Variants in RHCE observed in about 807,000 individuals in gnomAD.
The protein encoded by RHCE is blood group Rh(CE) polypeptide.
A neutral mutation model predicts 43.8 loss-of-function variants in RHCE; 22 were observed. The observed-to-expected ratio is 0.50, with a 90% CI of 0.36 to 0.72. The LOEUF (loss-of-function observed/expected upper bound fraction) is 0.72. Among genes scored for constraint, RHCE ranks in the 30% least tolerant of loss-of-function variants. The pLI is 0.00. For synonymous variants in RHCE, 156 were observed against 210.7 expected, an observed-to-expected ratio of 0.74 and a Z score of 2.25; for missense variants, 385 against 525.4, an observed-to-expected ratio of 0.73 and a Z score of 2.61.
chr1:25,385,430 A>G, intron 7 of RHCE: 1 of 490,060 alleles, frequency 2.0e-6, no homozygotes, highest in Non-Finnish European at 3.8e-6. Context: ...GCTTGGGCCT[A>G]TTTGACCTGC....
upstream of RHCE, among the ~76,000 whole-genome samples, chr1:25,422,330 T>C (rs560266635): frequency 3.0e-4 from 46 of 152,120 alleles, no homozygotes; most frequent in Non-Finnish European, 5.3e-4. Flanking sequence ...ACACAGAGGA[T>C]AGACTGTTTA....
intron 3 of RHCE, among the ~76,000 whole-genome samples, chr1:25,395,104 C>T (rs1437149604): frequency 1.4e-5 from 2 of 142,966 alleles, no homozygotes; most frequent in East Asian, 3.9e-4. Flanking sequence ...GAGGTTCGGG[C>T]TCACAGGGAG....
At chr1:25,429,906 A>G (rs1571939781) in intron 1 of RHCE, 1 of 152,134 alleles carries the variant, frequency 6.6e-6, no homozygotes, top group Non-Finnish European at 1.5e-5. Flanking sequence ...CAGGGGAGTT[A>G]TAAGGAGTAA....
At chr1:25,371,389 G>C (rs1645607420) in intron 8 of RHCE, among the ~76,000 whole-genome samples, 1 of 151,022 alleles carries the variant, frequency 6.6e-6, no homozygotes, top group East Asian at 1.9e-4. Flanking sequence ...TTTTATTTTT[G>C]GAACAGGGTC....
intron 2 of RHCE, among the ~76,000 whole-genome samples, chr1:25,404,080 G>A (rs2124482472): frequency 6.7e-6 from 1 of 149,722 alleles, no homozygotes; most frequent in East Asian, 2.0e-4. Flanking sequence ...AGGCATGGCA[G>A]TCGCTTGAAC....
At chr1:25,386,832 AC>A (rs1369839665) in intron 6 of RHCE, among the ~76,000 whole-genome samples, 6 of 141,322 alleles carry the variant, frequency 4.2e-5, no homozygotes, top group Non-Finnish European at 7.7e-5. Flanking sequence ...AACAACAACA[AC>A]AACAACAAAA....
At chr1:25,422,744 A>G (rs1312326549), upstream of RHCE, among the ~76,000 whole-genome samples, 1 of 152,158 alleles carries the variant, frequency 6.6e-6, no homozygotes, top group Non-Finnish European at 1.5e-5. Context: ...GGCACCAGGG[A>G]CGGGTTTTGT....
intron 1 of RHCE, among the ~76,000 whole-genome samples, chr1:25,414,356 A>C (rs28530483): frequency 0.59 from 89,105 of 151,644 alleles, 27,265 homozygotes; most frequent in African/African-American, 0.77. Flanking sequence ...TGAAGGCAGA[A>C]CCAGCTTCAC....
chr1:25,428,917 T>A (rs1438197426), intron 2 of RHCE: 1 of 152,278 alleles, frequency 6.6e-6, no homozygotes, highest in East Asian at 1.9e-4. Flanking sequence ...TCGGTTGCAG[T>A]GGATTTAAGG....
At chr1:25,403,487 G>A (rs1489410083) in intron 2 of RHCE, among the ~76,000 whole-genome samples, 2 of 151,792 alleles carry the variant, frequency 1.3e-5, no homozygotes, top group African/African-American at 4.8e-5. Flanking sequence ...CTTGACCAAT[G>A]AGCATGCTCA....
intron 7 of RHCE, among the ~76,000 whole-genome samples, chr1:25,384,690 A>T (rs2986161): frequency 2.4e-4 from 37 of 152,264 alleles, no homozygotes; most frequent in East Asian, 3.9e-4. Context: ...CAAGAACCGG[A>T]AGGAACCCCA....
chr1:25,402,418 A>G (rs1300198819), intron 3 of RHCE, among the ~76,000 whole-genome samples, 178 bp downstream of exon 3: 5 of 151,742 alleles, frequency 3.3e-5, no homozygotes, highest in Non-Finnish European at 5.9e-5. Flanking sequence ...AGAGATGAGG[A>G]TCTTGCTATG....
intron 3 of RHCE, among the ~76,000 whole-genome samples, chr1:25,396,573 T>C (rs1646544124): frequency 6.6e-6 from 1 of 151,906 alleles, no homozygotes; most frequent in South Asian, 2.1e-4. Flanking sequence ...ACAATCATGG[T>C]GGAAGGTGAA....
intron 1 of RHCE, among the ~76,000 whole-genome samples, chr1:25,412,007 T>C (rs1456632626): frequency 6.6e-6 from 1 of 152,208 alleles, no homozygotes; most frequent in Non-Finnish European, 1.5e-5. Flanking sequence ...AGAGAGAGCC[T>C]GTGAGGGGCG....
rs1179609006 is a variant in RHCE at position 25,401,842 on chromosome 1, G to T, written c.486+754C>A. The stretch of plus-strand genomic sequence containing the variant: ...ACCACACTTTTGTAACCTCATTTGG[G>T]TATCTATCTATCTATCAATCTTTTC... On this transcript the variant is annotated intron_variant, in intron 3 of 9. Transcript: ENST00000294413. Among the ~76,000 whole-genome samples, 5 of 150,180 alleles carry T rather than the reference G, an allele frequency of 3.3e-5. No homozygotes were observed. The South Asian group carries it at 8.4e-4, about 25-fold the overall frequency.
In RHCE at chr1:25,386,676, G is replaced by T. The variant is rs1224964984; in HGVS notation, c.940-832C>A. On this transcript the variant is annotated intron_variant, in intron 6 of 9. Coordinates refer to ENST00000294413, the MANE Select transcript of RHCE (RefSeq NM_020485.8). ...TCTCTACTAAAAACACAAAAAATTAGCTGGGCGTGGTGGAGGGCGCCTGTA... is the reference window on the plus strand; with the variant it reads ...TCTCTACTAAAAACACAAAAAATTATCTGGGCGTGGTGGAGGGCGCCTGTA... 5.9e-5 allele frequency among the ~76,000 whole-genome samples: 9 copies of T among 152,306 alleles called. No individual in the cohort carries two copies. The East Asian group carries it at 1.7e-3, about 29-fold the overall frequency.
intron 7 of RHCE, among the ~76,000 whole-genome samples, chr1:25,383,469 C>G (rs1646059829): frequency 6.6e-6 from 1 of 152,162 alleles, no homozygotes; most frequent in Non-Finnish European, 1.5e-5. Context: ...AAGAACGGGG[C>G]TATGTTCTAT....
intron 7 of RHCE, among the ~76,000 whole-genome samples, chr1:25,381,464 T>C (rs1024091314): frequency 1.3e-4 from 19 of 151,468 alleles, no homozygotes; most frequent in African/African-American, 4.6e-4. Context: ...TTTCTTTTTT[T>C]TTTTTTTTTG....
In RHCE at chr1:25,429,224, T is replaced by TTG. The variant is rs963408033; in HGVS notation, c.-136-176_-136-175insCA. 7.6e-5 allele frequency among the ~76,000 whole-genome samples: 11 copies of TTG among 144,942 alleles called. No homozygotes were observed. In the South Asian group the frequency reaches 8.6e-4, roughly 11 times the overall value. On this transcript the variant is annotated intron_variant, in intron 1 of 11. Coordinates refer to the RHCE transcript ENST00000349320. ...AATGGCATCTACTTCCTGGGAAGTTTTTTTTTTTTTTTTTTTTTTGAGACA... is the reference window on the plus strand; with the variant it reads ...AATGGCATCTACTTCCTGGGAAGTTTTGTTTTTTTTTTTTTTTTTTTGAGACA...
Sources: gnomAD v4.1 joint callset for allele counts (sites outside exome capture counted in the v4.1 genomes callset) on GRCh38, gnomAD v4.1.1 for gene constraint, MANE v1.5 for transcripts, NCBI Gene and HGNC (gene_info 2026-07-23, HGNC 2026-07-21) for gene names.